BEAN1: variants seen among roughly 807,000 people sequenced by gnomAD.
BEAN1 encodes the protein brain expressed associated with NEDD4 1.
BEAN1 carries 17 observed loss-of-function variants against 17.7 expected under a neutral mutation model. That is an observed-to-expected ratio of 0.96 (90% confidence interval 0.66 to 1.44). BEAN1 has a LOEUF of 1.44. Ranked by LOEUF, BEAN1 falls within the 40% of genes most tolerant of loss-of-function variation. BEAN1 has a pLI of 0.00. For missense variants in BEAN1, 359 were observed against 374.1 expected (o/e 0.96, Z 0.33); for synonymous variants, 142 against 151.8 (o/e 0.94, Z 0.47).
chr16:66,477,731 A>C (rs1460931125), intron 4 of BEAN1, 21 bp downstream of exon 4: 2 of 1,523,332 alleles, frequency 1.3e-6, no homozygotes, highest in Admixed American at 2.1e-5. Context: ...CTCATGGGGA[A>C]GGGGGCATCA....
intron 2 of BEAN1, among the ~76,000 whole-genome samples, chr16:66,440,283 C>T (rs951353835): frequency 6.6e-6 from 1 of 152,084 alleles, no homozygotes; most frequent in East Asian, 1.9e-4. Flanking sequence ...GCGCCCACCA[C>T]CACACCTGGC....
chr16:66,464,836 C>G (rs1026468705), intron 2 of BEAN1, among the ~76,000 whole-genome samples: 3 of 152,066 alleles, frequency 2.0e-5, no homozygotes, highest in African/African-American at 7.2e-5. Flanking sequence ...AAGATTATGT[C>G]ATCTGCAAAT....
At chr16:66,464,879 C>A (rs565559899) in intron 2 of BEAN1, among the ~76,000 whole-genome samples, 4 of 152,184 alleles carry the variant, frequency 2.6e-5, no homozygotes, top group Non-Finnish European at 5.9e-5. Context: ...AATGTGGATG[C>A]CTTTTATTTC....
At chr16:66,443,574 A>T (rs1962336977) in intron 2 of BEAN1, among the ~76,000 whole-genome samples, 1 of 152,214 alleles carries the variant, frequency 6.6e-6, no homozygotes, top group African/African-American at 2.4e-5. Context: ...GCCCCTGAAC[A>T]TCCTAGCTGC....
At chr16:66,469,087 G>A (rs571569034) in intron 2 of BEAN1, among the ~76,000 whole-genome samples, 1 of 152,242 alleles carries the variant, frequency 6.6e-6, no homozygotes, top group East Asian at 1.9e-4. Flanking sequence ...TCTCTCATCT[G>A]ATCCAAGCCC....
chr16:66,491,609 G>A (rs1034245168), intron 4 of BEAN1, among the ~76,000 whole-genome samples: 6 of 152,146 alleles, frequency 3.9e-5, no homozygotes, highest in Non-Finnish European at 8.8e-5. Flanking sequence ...GGCACCAGGG[G>A]CCAGTTTCAC....
chr16:66,489,137 A>C (rs1186696711), intron 4 of BEAN1, among the ~76,000 whole-genome samples: 1 of 152,078 alleles, frequency 6.6e-6, no homozygotes, highest in African/African-American at 2.4e-5. Context: ...GCACTGTTGT[A>C]CTTCAGCCTG....
rs527790734 is a variant in BEAN1, at chr16:66,454,834, G to A, written c.26-14768G>A. 2.0e-5 allele frequency among the ~76,000 whole-genome samples: 3 copies of A among 147,468 alleles called. No individual in the cohort carries two copies. In the Admixed American group the frequency reaches 2.1e-4, roughly 10 times the overall value. On this transcript the variant is annotated intron_variant, in intron 2 of 4. Transcript: ENST00000536005. Reference sequence around the variant, plus strand: ...TTATAAGACAAAGAAACAAGAAAGTGTGATCCATTTGGATGGGCTCTTTCC... The same window carrying A: ...TTATAAGACAAAGAAACAAGAAAGTATGATCCATTTGGATGGGCTCTTTCC...
chr16:66,481,178 C>T lies in BEAN1; in HGVS notation c.*253C>T, dbSNP rs775685386. The T allele has an allele frequency of 2.2e-5, 9 of 418,014 alleles. No homozygotes were observed. The highest frequency in any genetic ancestry group is 2.9e-5 in the Non-Finnish European group (7 of 238,240). The allele number at this position is 418,014 out of a possible 1,614,324, so 25.9% of individuals were successfully genotyped here. ...ACAAAACCCACCTGCAAAGGTTTCA[C>T]GGAACGTGGAGCTCTCCTGGCCTCC... is the stretch of plus-strand genomic sequence containing the variant. On this transcript the variant is annotated 3_prime_UTR_variant, in exon 5 of 5. Transcript: ENST00000536005. This position sits in a 1 kb window ranked among gnomAD's most constrained non-coding sequence, Gnocchi z 4.1.
chr16:66,493,064 G>C (rs150475902), exon 5 of BEAN1: 4 of 702,998 alleles, frequency 5.7e-6, no homozygotes, highest in Non-Finnish European at 1.0e-5. Flanking sequence ...CTTGGAGTCT[G>C]AGTTCTCACT....
chr16:66,494,248 G>C (rs530308923), downstream of BEAN1, among the ~76,000 whole-genome samples: 2 of 152,294 alleles, frequency 1.3e-5, no homozygotes, highest in South Asian at 4.1e-4. Context: ...GGGGAAGAGT[G>C]GCCAAACCTA....
chr16:66,447,775 A>G (rs1226235728), intron 2 of BEAN1, among the ~76,000 whole-genome samples: 1 of 152,156 alleles, frequency 6.6e-6, no homozygotes, highest in Non-Finnish European at 1.5e-5. Flanking sequence ...TGTGAGTCTT[A>G]CCCTGGGGCT....
intron 2 of BEAN1, among the ~76,000 whole-genome samples, chr16:66,459,173 A>AACTCCTCCT (rs1400074822): frequency 6.6e-6 from 1 of 151,920 alleles, no homozygotes; most frequent in Non-Finnish European, 1.5e-5. Context: ...GCTCATGGGG[A>AACTCCTCCT]CCCTTGCAGC....
intron 4 of BEAN1, among the ~76,000 whole-genome samples, chr16:66,492,653 C>T (rs1430421986): frequency 6.6e-6 from 1 of 152,046 alleles, no homozygotes; most frequent in Non-Finnish European, 1.5e-5. Flanking sequence ...GTTGGCCAGG[C>T]TGGTCTCGAA....
At position 66,482,327 on chromosome 16, in the gene BEAN1, T is replaced by G. The variant is rs947934897; in HGVS notation, c.*1402T>G. ...CTTCCCCACATTTCTGTTCCTCCAA[T>G]GAAGGGCTAAGACTATTTAGTAATC... On this transcript the variant is annotated 3_prime_UTR_variant, in exon 5 of 5. Coordinates refer to ENST00000536005, the MANE Select transcript of BEAN1 (RefSeq NM_001178020.3). 1 of 153,752 alleles carries G rather than the reference T, an allele frequency of 6.5e-6. No individual in the cohort carries two copies. The highest frequency in any genetic ancestry group is 2.4e-5 in the African/African-American group (1 of 41,456). 9.5% of individuals were successfully genotyped at this position (153,752 alleles called of 1,614,324 possible). A position where few individuals can be genotyped will look rare whatever the true frequency, so the allele number is the denominator to read the frequency against.
intron 2 of BEAN1, among the ~76,000 whole-genome samples, chr16:66,461,226 C>G (rs1327272539): frequency 6.6e-6 from 1 of 152,148 alleles, no homozygotes; most frequent in African/African-American, 2.4e-5. Context: ...CATGTTATTT[C>G]TCTGCAGTCA....
At chr16:66,487,685 CTG>C (rs1964108009), downstream of BEAN1, among the ~76,000 whole-genome samples, 1 of 152,186 alleles carries the variant, frequency 6.6e-6, no homozygotes, top group Non-Finnish European at 1.5e-5. Context: ...CTGGGAGCTG[CTG>C]TGAGTGAAGG....
intron 2 of BEAN1, among the ~76,000 whole-genome samples, chr16:66,441,677 G>A (rs1366097430): frequency 6.6e-6 from 1 of 152,170 alleles, no homozygotes; most frequent in Admixed American, 6.5e-5. Context: ...GTCAGTGCAC[G>A]TGAGGTCTGG....
At chr16:66,488,911 C>T (rs1486021624) in intron 4 of BEAN1, among the ~76,000 whole-genome samples, 1 of 152,054 alleles carries the variant, frequency 6.6e-6, no homozygotes, top group East Asian at 1.9e-4. Flanking sequence ...GTGGCTCACA[C>T]CTGTAAGCCC....
Sources: allele counts gnomAD v4.1 joint callset (sites outside exome capture counted in the v4.1 genomes callset), GRCh38; gene constraint gnomAD v4.1.1; non-coding constraint Gnocchi (gnomAD v3.1); transcripts MANE v1.5; gene names NCBI Gene and HGNC (gene_info 2026-07-23, HGNC 2026-07-21).